RCC2: variants seen among roughly 807,000 people sequenced by gnomAD.
RCC2 encodes protein RCC2.
Under a neutral mutation model 64.1 loss-of-function variants are expected in RCC2, and 19 were observed. The ratio of observed to expected loss-of-function variants is 0.30; its 90% CI spans 0.21 to 0.44. The LOEUF is 0.44. Ranked by LOEUF, RCC2 falls within the 20% of genes least tolerant of loss-of-function variation. The probability of loss-of-function intolerance (pLI) is 1.00; values close to 1 mark genes in which losing one functional copy is unlikely to be tolerated. For synonymous variants in RCC2, 325 were observed against 279.6 expected (o/e 1.16, Z -1.62); for missense variants, 508 against 710.4 (o/e 0.72, Z 3.24).
chr1:17,409,171 G>A lies in RCC2; in HGVS notation c.1488C>T (p.Ser496=), dbSNP rs756973529. The A allele has an allele frequency of 8.7e-6, 14 of 1,613,844 alleles. No individual in the cohort carries two copies. The African/African-American group carries it at 1.9e-4, about 22-fold the overall frequency. ...CACTTTCATCTCTTGCTATCACCAA[G>A]GAGTGTGAGTAGCCCATGGCGACCT... ...SEQVAMGYSH[S]LVIARDESET... is the part of the protein sequence containing the mutation. The change falls in exon 13 of 13, where the codon TCC becomes TCT. Residue 496 remains serine (S), a synonymous_variant. Transcript: ENST00000375436.
At chr1:17,422,914 A>G in intron 4 of RCC2, 78 bp from the exon 5 acceptor site, 1 of 1,552,016 alleles carries the variant, frequency 6.4e-7, no homozygotes, top group African/African-American at 1.4e-5. Context: ...GAGTACAAAC[A>G]CACTCTCAAA....
At chr1:17,417,009 A>T (rs1006900977) in intron 7 of RCC2, among the ~76,000 whole-genome samples, 2 of 152,216 alleles carry the variant, frequency 1.3e-5, no homozygotes, top group African/African-American at 4.8e-5. Context: ...TTGCAGTCAA[A>T]AAAGTTGAAG....
chr1:17,429,474 A>G (rs1035768618), intron 2 of RCC2, among the ~76,000 whole-genome samples: 4 of 147,698 alleles, frequency 2.7e-5, no homozygotes, highest in Non-Finnish European at 4.5e-5. Context: ...GCAAAACACT[A>G]AAAAAAAAAC....
Position 17,438,182 on chromosome 1 carries a change from C to T in RCC2, c.285+48G>A, listed in dbSNP as rs1230815885. 5.2e-6 allele frequency: 6 copies of T among 1,150,500 alleles called. No individual in the cohort carries two copies. The South Asian group carries it at 1.8e-4, about 34-fold the overall frequency. 71.3% of individuals were successfully genotyped at this position (1,150,500 alleles called of 1,614,324 possible). A position where few individuals can be genotyped will look rare whatever the true frequency, so the allele number is the denominator to read the frequency against. ...GCGCGCCGTGCCGCGTCGCTGAGCC[C>T]GCCGGCCCCGGCCCTGCGCCCACCC... is the stretch of plus-strand genomic sequence containing the variant. On this transcript the variant is annotated intron_variant, in intron 2 of 12. Transcript: ENST00000375436.
chr1:17,427,955 G>A (rs1243046111), intron 3 of RCC2, among the ~76,000 whole-genome samples: 1 of 152,206 alleles, frequency 6.6e-6, no homozygotes, highest in African/African-American at 2.4e-5. Context: ...CAGAGCTACT[G>A]TGTGGCTTGC....
chr1:17,412,209 G>C lies in RCC2; in HGVS notation c.1314-15C>G, dbSNP rs1344606712. The stretch of plus-strand genomic sequence containing the variant: ...TGCTGCTCTTCCTGCAAACAGGCAG[G>C]CTGTCACTGCAGGGCCAGCAGCCCC... On this transcript the variant is annotated splice_polypyrimidine_tract_variant and intron_variant, in intron 10 of 12. Coordinates refer to ENST00000375436, the MANE Select transcript of RCC2 (RefSeq NM_018715.4). 4 of 1,613,636 alleles carry C rather than the reference G, an allele frequency of 2.5e-6. No individual in the cohort carries two copies. The highest frequency in any genetic ancestry group is 2.2e-5 in the East Asian group (1 of 44,888).
At position 17,429,843 on chromosome 1, in the gene RCC2, G is replaced by T. The variant is rs1204896; in HGVS notation, c.286-644C>A. Among the ~76,000 whole-genome samples the T allele has an allele frequency of 8.7e-3, 1,328 of 152,234 alleles. 14 individuals carry two copies. The highest frequency in any genetic ancestry group is 0.013 in the Non-Finnish European group (875 of 68,026). ...CGGGAGCCAATGGTGAGTGAAACAG[G>T]ACCTCCCAGGGGCCCGGCTCTCAAG... On this transcript the variant is annotated intron_variant, in intron 2 of 12. Transcript: ENST00000375436.
chr1:17,432,638 A>G (rs554229800), intron 2 of RCC2, among the ~76,000 whole-genome samples: 1 of 152,348 alleles, frequency 6.6e-6, no homozygotes, highest in South Asian at 2.1e-4. Flanking sequence ...GCCAGAGGGC[A>G]TGGTTCAGGG....
At chr1:17,410,353 G>A (rs1342348339) in intron 11 of RCC2, among the ~76,000 whole-genome samples, 3 of 152,218 alleles carry the variant, frequency 2.0e-5, no homozygotes, top group African/African-American at 4.8e-5. Flanking sequence ...CTGGTGACAA[G>A]AGATGACACC....
chr1:17,429,275 CACGAA>C (rs1253176357), intron 2 of RCC2, 76 bp from the exon 3 acceptor site: 2 of 1,159,052 alleles, frequency 1.7e-6, no homozygotes, highest in South Asian at 1.2e-5. Context: ...CCAATGACAG[CACGAA>C]ACGAAAGAAA....
intron 11 of RCC2, 101 bp downstream of exon 11, chr1:17,412,021 T>C (rs2075432573): frequency 1.9e-6 from 2 of 1,039,392 alleles, no homozygotes; most frequent in Non-Finnish European, 3.0e-6. Context: ...CCCAAATGTT[T>C]TTCTTCTGTG....
rs1265674393 is a variant in RCC2, at chr1:17,431,359, A to ATAAAAATATATATATATAT, written c.286-2161_286-2160insATATATATATATATTTTTA. ...AAAAAAAAAAAAAAAAAAAAAAAAA[A>ATAAAAATATATATATATAT]ATATATATATATATATATATATGTG... On this transcript the variant is annotated intron_variant, in intron 2 of 12. Coordinates refer to ENST00000375436, the MANE Select transcript of RCC2 (RefSeq NM_018715.4). Among the ~76,000 whole-genome samples, 401 of 44,936 alleles carry ATAAAAATATATATATATAT rather than the reference A, an allele frequency of 8.9e-3. 40 individuals carry two copies. Among genetic ancestry groups the ATAAAAATATATATATATAT allele is most frequent in the Middle Eastern group, 0.017 (1 of 60 alleles). 29.5% of individuals were successfully genotyped at this position (44,936 alleles called of 152,430 possible).
chr1:17,429,277 C>T (rs770413952), intron 2 of RCC2, 78 bp from the exon 3 acceptor site: 42 of 1,129,358 alleles, frequency 3.7e-5, no homozygotes, highest in Admixed American at 2.3e-4. Context: ...AATGACAGCA[C>T]GAAACGAAAG....
intron 7 of RCC2, among the ~76,000 whole-genome samples, chr1:17,418,647 C>T (rs931389316): frequency 3.3e-5 from 5 of 151,994 alleles, no homozygotes; most frequent in African/African-American, 1.2e-4. Flanking sequence ...CAGAGCAAGA[C>T]TCCGTATCAA....
chr1:17,425,178 G>A (rs1005380038), intron 4 of RCC2, among the ~76,000 whole-genome samples: 1 of 152,102 alleles, frequency 6.6e-6, no homozygotes, highest in African/African-American at 2.4e-5. Flanking sequence ...ATGTCATATC[G>A]TGCCTCAAAG....
At position 17,413,044 on chromosome 1, in the gene RCC2, T is replaced by TCATACCCACAGACCC. The variant is rs765313540; in HGVS notation, c.1313+28_1313+29insGGGTCTGTGGGTATG. The TCATACCCACAGACCC allele has an allele frequency of 7.2e-6, 11 of 1,530,460 alleles. No homozygotes were observed. In the East Asian group the frequency reaches 2.0e-4, roughly 28 times the overall value. The allele number at this position is 1,530,460 out of a possible 1,614,324, so 94.8% of individuals were successfully genotyped here. A position where few individuals can be genotyped will look rare whatever the true frequency, so the allele number is the denominator to read the frequency against. On this transcript the variant is annotated intron_variant, in intron 10 of 12. Coordinates refer to ENST00000375436, the MANE Select transcript of RCC2 (RefSeq NM_018715.4). The stretch of plus-strand genomic sequence containing the variant: ...GACACCCCCATGAAAGGAAGAGACC[T>TCATACCCACAGACCC]CATACCCACAGGAGATGCTGCCACC...
chr1:17,433,289 G>A (rs747975587), intron 2 of RCC2, among the ~76,000 whole-genome samples: 2 of 152,192 alleles, frequency 1.3e-5, no homozygotes, highest in Admixed American at 1.3e-4. Flanking sequence ...GCCTTATGTG[G>A]AATTAACATT....
chr1:17,434,973 G>C (rs552178096), intron 2 of RCC2, among the ~76,000 whole-genome samples: 7 of 152,290 alleles, frequency 4.6e-5, no homozygotes, highest in Middle Eastern at 3.4e-3. Context: ...CACAGTGACA[G>C]GTGCCTGTCA....
At position 17,425,992 on chromosome 1, in the gene RCC2, C is replaced by T. The variant is rs72906440; in HGVS notation, c.380-308G>A. 3.2e-3 allele frequency among the ~76,000 whole-genome samples: 485 copies of T among 152,322 alleles called. 2 individuals carry two copies. The highest frequency in any genetic ancestry group is 0.011 in the African/African-American group (460 of 41,580). On this transcript the variant is annotated intron_variant, in intron 3 of 12. Coordinates refer to ENST00000375436, the MANE Select transcript of RCC2 (RefSeq NM_018715.4). ...CCACCTCTCACAGGGCTCAGCCCCA[C>T]GTGTTCTGCCATTGAGCACGCCCAC...
Sources: allele counts gnomAD v4.1 joint callset (sites outside exome capture counted in the v4.1 genomes callset), GRCh38; gene constraint gnomAD v4.1.1; transcripts MANE v1.5; gene names NCBI Gene and HGNC (gene_info 2026-07-23, HGNC 2026-07-21).